PHF20: variants seen among roughly 807,000 people sequenced by gnomAD.
The protein encoded by PHF20 is glioma-expressed antigen 2.
Under a neutral mutation model 113.5 loss-of-function variants are expected in PHF20, and 23 were observed. The ratio of observed to expected loss-of-function variants is 0.20; its 90% confidence interval spans 0.15 to 0.29. The LOEUF (loss-of-function observed/expected upper bound fraction) is 0.29, where lower values mean the gene tolerates loss of function less well. Among genes scored for constraint, PHF20 ranks in the 10% least tolerant of loss-of-function variants. The pLI, the probability that PHF20 is intolerant of heterozygous loss-of-function variation, is 1.00. For synonymous variants in PHF20, 434 were observed against 457.3 expected (o/e 0.95, Z 0.65); for missense variants, 943 against 1,219.6 (o/e 0.77, Z 3.38).
intron 1 of PHF20, among the ~76,000 whole-genome samples, chr20:35,787,249 G>A (rs995944696): frequency 4.0e-5 from 6 of 151,584 alleles, no homozygotes; most frequent in East Asian, 1.9e-4. Context: ...ATGTGATCTC[G>A]GCTCACTGCA....
At chr20:35,791,803 G>GGGAGGTGAGGGAAGGAGAA (rs2041561766) in intron 1 of PHF20, among the ~76,000 whole-genome samples, 1 of 151,934 alleles carries the variant, frequency 6.6e-6, no homozygotes, top group Admixed American at 6.6e-5. Context: ...GTCCGAGTGT[G>GGGAGGTGAGGGAAGGAGAA]GGAGGTGAGG....
At chr20:35,922,653 A>G (rs368401258) in intron 13 of PHF20, among the ~76,000 whole-genome samples, 6 of 152,386 alleles carry the variant, frequency 3.9e-5, no homozygotes, top group Middle Eastern at 3.4e-3. Context: ...ATAAAAATGA[A>G]CAGGAAATAC....
In PHF20 at chr20:35,913,291, A is replaced by G; in HGVS notation, c.1604A>G (p.Glu535Gly). The G allele has an allele frequency of 6.2e-7, 1 of 1,603,478 alleles. No homozygotes were observed. The highest frequency in any genetic ancestry group is 8.5e-7 in the Non-Finnish European group (1 of 1,174,682). The change falls in exon 11 of 18, where the codon GAG becomes GGG. Residue 535 changes from glutamate (E) to glycine (G), a missense_variant. Glu to Gly is a moderately conservative substitution (Grantham distance 98, BLOSUM62 -2). Around this residue, in one of 3 missense-constraint regions of PHF20, gnomAD observed 592 missense variants for 787.2 expected, o/e 0.75. Coordinates refer to ENST00000374012, the MANE Select transcript of PHF20 (RefSeq NM_016436.5). ...AAGAATAAAGAGAAGAAATTCAAGG[A>G]GTTTGTGAGAGTGAAGCCAAAGAAG... ...KEKNKEKKFKEFVRVKPKKKK... is the reference protein window; with the variant it reads ...KEKNKEKKFKGFVRVKPKKKK...
chr20:35,816,876 C>A (rs1017892537), intron 2 of PHF20, among the ~76,000 whole-genome samples: 2 of 151,590 alleles, frequency 1.3e-5, no homozygotes, highest in Non-Finnish European at 2.9e-5. Flanking sequence ...ACTGCAACCT[C>A]TGCCTCCTGG....
chr20:35,857,005 G>A (rs2042841156), intron 4 of PHF20, among the ~76,000 whole-genome samples: 1 of 152,148 alleles, frequency 6.6e-6, no homozygotes, highest in African/African-American at 2.4e-5. Flanking sequence ...GAGGGGTGTG[G>A]GAAGAGAATG....
intron 2 of PHF20, among the ~76,000 whole-genome samples, chr20:35,821,107 T>C (rs1220819302): frequency 2.0e-5 from 3 of 151,972 alleles, no homozygotes; most frequent in South Asian, 4.1e-4. Context: ...TAGTAAGTCA[T>C]TGAAAGGTCT....
chr20:35,841,776 C>A (rs1264270336), intron 2 of PHF20, among the ~76,000 whole-genome samples: 1 of 136,750 alleles, frequency 7.3e-6, no homozygotes, highest in African/African-American at 3.0e-5. Flanking sequence ...CTCAAAAAAA[C>A]AAACAAACAA....
chr20:35,861,706 C>T (rs201749889), intron 5 of PHF20, among the ~76,000 whole-genome samples: 1 of 152,176 alleles, frequency 6.6e-6, no homozygotes, highest in Non-Finnish European at 1.5e-5. Flanking sequence ...GAACTCCCAA[C>T]AAGAAGGGCA....
intron 2 of PHF20, among the ~76,000 whole-genome samples, chr20:35,813,933 GAAAAAAAA>G (rs57769210): frequency 9.2e-4 from 23 of 25,002 alleles, no homozygotes; most frequent in Middle Eastern, 0.024. Context: ...CTCCGTCTCA[GAAAAAAAA>G]AAAAAAAAAA....
rs552466539 is a variant in PHF20, at chr20:35,824,784, C to A, written c.84-17789C>A. On this transcript the variant is annotated intron_variant, in intron 2 of 17. Coordinates refer to ENST00000374012, the MANE Select transcript of PHF20 (RefSeq NM_016436.5). ...CTATTTCCTCCCTGCCCTTCCCAGC[C>A]TAGGCAAACACGAATTTACTTTCCC... Among the ~76,000 whole-genome samples the A allele has an allele frequency of 1.9e-4, 29 of 152,252 alleles. No homozygotes were observed. In the South Asian group the frequency reaches 4.6e-3, roughly 24 times the overall value.
intron 9 of PHF20, among the ~76,000 whole-genome samples, chr20:35,897,209 A>T (rs6058348): frequency 0.078 from 11,583 of 148,110 alleles, 679 homozygotes; most frequent in South Asian, 0.2. Flanking sequence ...AATTAACAAA[A>T]TTTTTTTTTT....
At chr20:35,814,894 AAT>A (rs1194540970) in intron 2 of PHF20, among the ~76,000 whole-genome samples, 9 of 148,546 alleles carry the variant, frequency 6.1e-5, no homozygotes, top group Admixed American at 2.0e-4. Context: ...AAAAAAATAA[AAT>A]AAATAAATAA....
At chr20:35,929,569 G>A (rs1032766934) in intron 14 of PHF20, among the ~76,000 whole-genome samples, 1 of 152,274 alleles carries the variant, frequency 6.6e-6, no homozygotes, top group African/African-American at 2.4e-5. Flanking sequence ...ACTGCCTGCA[G>A]CAGCTGCCTC....
intron 9 of PHF20, 148 bp from the exon 10 acceptor site, chr20:35,899,222 C>T (rs2055047429): frequency 3.2e-6 from 2 of 618,458 alleles, no homozygotes; most frequent in African/African-American, 3.7e-5. Context: ...TCTCTCTAAA[C>T]AGTAATTTGA....
intron 2 of PHF20, among the ~76,000 whole-genome samples, chr20:35,802,989 C>T (rs777425731): frequency 5.4e-5 from 8 of 148,448 alleles, no homozygotes; most frequent in Non-Finnish European, 1.5e-5. Context: ...TGTGGTGGCT[C>T]ACGCCTATAA....
intron 14 of PHF20, among the ~76,000 whole-genome samples, chr20:35,930,899 G>A (rs2055739905): frequency 6.6e-6 from 1 of 152,184 alleles, no homozygotes; most frequent in African/African-American, 2.4e-5. Context: ...GAGTTAGAGA[G>A]TTGGGGCTTT....
intron 7 of PHF20, among the ~76,000 whole-genome samples, 181 bp from the exon 8 acceptor site, chr20:35,870,774 G>A (rs1205362306): frequency 6.6e-6 from 1 of 152,098 alleles, no homozygotes; most frequent in East Asian, 1.9e-4. Context: ...TCCTGGCAGG[G>A]ACACTTTTCC....
chr20:35,919,185 T>G (rs1457554591), intron 13 of PHF20, among the ~76,000 whole-genome samples: 1 of 151,730 alleles, frequency 6.6e-6, no homozygotes, highest in Non-Finnish European at 1.5e-5. Context: ...CCCGGCTAAT[T>G]TTTGTATTTT....
At chr20:35,784,592 A>C (rs1040554528) in intron 1 of PHF20, among the ~76,000 whole-genome samples, 1 of 151,770 alleles carries the variant, frequency 6.6e-6, no homozygotes, top group South Asian at 2.1e-4. Flanking sequence ...GTGTGCCACT[A>C]TGCCCAGCTA....
Sources: gnomAD v4.1 joint callset for allele counts (sites outside exome capture counted in the v4.1 genomes callset) on GRCh38, gnomAD v4.1.1 for gene constraint, gnomAD v4.1.1 regional missense constraint, MANE v1.5 for transcripts, NCBI Gene and HGNC (gene_info 2026-07-23, HGNC 2026-07-21) for gene names.